IL34: variants seen among roughly 807,000 people sequenced by gnomAD.
IL34 encodes interleukin-34.
In IL34, 17 loss-of-function variants were observed where a neutral mutation model predicts 25.3. The observed-to-expected ratio is 0.67, with a 90% CI of 0.46 to 1.01. IL34 has a LOEUF of 1.01. IL34 is among the 50% of genes least tolerant of loss of function. The probability of loss-of-function intolerance (pLI) is 0.00; values close to 1 mark genes in which losing one functional copy is unlikely to be tolerated. For synonymous variants in IL34, 174 were observed against 140.9 expected, an observed-to-expected ratio of 1.23 and a Z score of -1.66; for missense variants, 368 against 312.9, an observed-to-expected ratio of 1.18 and a Z score of -1.33.
At chr16:70,657,573 T>C (rs950539447) in intron 4 of IL34, among the ~76,000 whole-genome samples, 11 of 152,122 alleles carry the variant, frequency 7.2e-5, no homozygotes, top group Non-Finnish European at 1.5e-4. Context: ...GTCAGGAGTT[T>C]GAGACCAGCC....
chr16:70,606,342 G>T (rs867993244), intron 1 of IL34, among the ~76,000 whole-genome samples: 4 of 152,046 alleles, frequency 2.6e-5, no homozygotes, highest in Non-Finnish European at 4.4e-5. Flanking sequence ...AGGTTGCAGT[G>T]AGCTGAGATC....
intron 1 of IL34, among the ~76,000 whole-genome samples, chr16:70,583,003 G>A (rs1313606736): frequency 2.6e-5 from 4 of 152,184 alleles, no homozygotes; most frequent in Non-Finnish European, 4.4e-5. Context: ...TGTAGGGAGC[G>A]GCGGAGTGGG....
At position 70,640,300 on chromosome 16, in the gene IL34, C is replaced by A. The variant is rs921221671; in HGVS notation, c.-400-6248C>A. 2.6e-5 allele frequency among the ~76,000 whole-genome samples: 4 copies of A among 152,186 alleles called. No homozygotes were observed. In the South Asian group the frequency reaches 6.2e-4, roughly 24 times the overall value. ...GGGACTACAGGTGCACACCACCATG[C>A]CCGGCTAATTTTGTATTTTTTATTT... On this transcript the variant is annotated intron_variant, in intron 1 of 6. Coordinates refer to the IL34 transcript ENST00000429149.
At position 70,660,055 on chromosome 16, in the gene IL34, C is replaced by T. The variant is rs764810390; in HGVS notation, c.597C>T (p.Cys199=). The T allele has an allele frequency of 6.2e-7, 1 of 1,613,368 alleles. No homozygotes were observed. Among genetic ancestry groups the T allele is most frequent in the African/African-American group, 1.3e-5 (1 of 75,004 alleles). ...GTGAGGTGCCAAGTCCTCAGTCTTG[C>T]AGCCCAGAGCCCTCATTGCAGTATG... ...QDCEVPSPQS[C]SPEPSLQYAA... The change falls in exon 6 of 6, where the codon TGC becomes TGT. Residue 199 remains cysteine (C), a synonymous_variant. Transcript: ENST00000288098.
At chr16:70,651,340 G>A (rs554094627) in intron 1 of IL34, among the ~76,000 whole-genome samples, 11 of 152,172 alleles carry the variant, frequency 7.2e-5, no homozygotes, top group Non-Finnish European at 1.0e-4. Context: ...CAGAAAGTAA[G>A]CAGATGTTAA....
At position 70,646,721 on chromosome 16, in the gene IL34, C is replaced by T. The variant is rs74024416; in HGVS notation, c.-227C>T. Reference sequence around the variant, plus strand: ...TGCTTCTGGGCTGCCATGGGACTTGCGGCCACCGCCCCCCGGCTGTCCTCC... The same window carrying T: ...TGCTTCTGGGCTGCCATGGGACTTGTGGCCACCGCCCCCCGGCTGTCCTCC... On this transcript the variant is annotated 5_prime_UTR_variant, in exon 1 of 6. Coordinates refer to ENST00000288098, the MANE Select transcript of IL34 (RefSeq NM_001393494.1). 8.4e-3 allele frequency: 4,059 copies of T among 482,740 alleles called. 131 individuals are homozygous for T. Among genetic ancestry groups the T allele is most frequent in the African/African-American group, 0.072 (3,547 of 49,192 alleles). 29.9% of individuals were successfully genotyped at this position (482,740 alleles called of 1,614,324 possible). A position where few individuals can be genotyped will look rare whatever the true frequency, so the allele number is the denominator to read the frequency against.
chr16:70,582,646 G>C (rs930661921), intron 1 of IL34, among the ~76,000 whole-genome samples: 17 of 152,270 alleles, frequency 1.1e-4, no homozygotes, highest in Non-Finnish European at 2.9e-5. Flanking sequence ...CTGCACTCCA[G>C]AGCCTTCAGG....
At chr16:70,634,151 A>G (rs529945962) in intron 1 of IL34, among the ~76,000 whole-genome samples, 2 of 151,838 alleles carry the variant, frequency 1.3e-5, no homozygotes, top group African/African-American at 4.8e-5. Context: ...GTGCCCTGCA[A>G]TCTCTCTCTT....
At position 70,659,680 on chromosome 16, in the gene IL34, C is replaced by G; in HGVS notation, c.465C>G (p.Asn155Lys). 1 of 1,613,122 alleles carries G rather than the reference C, an allele frequency of 6.2e-7. No individual in the cohort carries two copies. The highest frequency in any genetic ancestry group is 1.1e-5 in the South Asian group (1 of 90,956). The stretch of plus-strand genomic sequence containing the variant: ...CCCTCTTGAATGCCCCAGGGCCAAA[C>G]CTGAAGCTGGTGCGGCCCAAAGCCC... ...VLSLLNAPGP[N>K]LKLVRPKALL... The change falls in exon 5 of 6, where the codon AAC (asparagine) becomes AAG (lysine). Residue 155 changes from asparagine (N) to lysine (K), a missense_variant. Coordinates refer to ENST00000288098, the MANE Select transcript of IL34 (RefSeq NM_001393494.1).
Position 70,656,676 on chromosome 16 carries a change from G to A in IL34, c.237G>A (p.Arg79=), listed in dbSNP as rs746133780. 3 of 1,345,776 alleles carry A rather than the reference G, an allele frequency of 2.2e-6. No individual in the cohort carries two copies. In the African/African-American group the frequency reaches 4.3e-5, roughly 19 times the overall value. The allele number at this position is 1,345,776 out of a possible 1,614,324, so 83.4% of individuals were successfully genotyped here. A position where few individuals can be genotyped will look rare whatever the true frequency, so the allele number is the denominator to read the frequency against. The change falls in exon 3 of 6, where the codon AGG becomes AGA. Residue 79 remains arginine, a synonymous_variant. Transcript: ENST00000288098. The part of the protein sequence containing the change: ...EGVFRIANVT[R]LQRAQVSERE... The stretch of plus-strand genomic sequence containing the variant: ...TGTTCAGAATCGCCAACGTCACCAG[G>A]CTGGTGAGAATCCCTTCCTGGGCTG...
At chr16:70,580,420 G>T (rs954642523) in intron 1 of IL34, among the ~76,000 whole-genome samples, 8 of 152,258 alleles carry the variant, frequency 5.3e-5, no homozygotes, top group Non-Finnish European at 7.3e-5. Context: ...ATATATTGCC[G>T]TAGGTCTTTG....
At chr16:70,654,716 G>A (rs1324733033) in intron 2 of IL34, 45 bp downstream of exon 2, 3 of 1,560,634 alleles carry the variant, frequency 1.9e-6, no homozygotes, top group Admixed American at 1.8e-5. Context: ...CGCGTCCCGG[G>A]GTTCACCTGG....
At chr16:70,626,266 G>C (rs940045805) in intron 1 of IL34, among the ~76,000 whole-genome samples, 1 of 151,768 alleles carries the variant, frequency 6.6e-6, no homozygotes, top group South Asian at 2.1e-4. Context: ...TTAATTTTTT[G>C]TTTTAGTATA....
chr16:70,603,072 G>A (rs192142217), intron 1 of IL34, among the ~76,000 whole-genome samples: 4 of 152,044 alleles, frequency 2.6e-5, no homozygotes, highest in Admixed American at 2.6e-4. Context: ...CTCCTATGTG[G>A]CCACCAGGGA....
At chr16:70,580,420 G>A (rs954642523) in intron 1 of IL34, among the ~76,000 whole-genome samples, 3 of 152,258 alleles carry the variant, frequency 2.0e-5, no homozygotes, top group Non-Finnish European at 4.4e-5. Flanking sequence ...ATATATTGCC[G>A]TAGGTCTTTG....
chr16:70,590,963 A>G (rs1189739082), intron 1 of IL34, among the ~76,000 whole-genome samples: 2 of 151,812 alleles, frequency 1.3e-5, no homozygotes, highest in Non-Finnish European at 2.9e-5. Flanking sequence ...CTGCCTTCAC[A>G]CTGTCAGCGC....
upstream of IL34, among the ~76,000 whole-genome samples, chr16:70,642,628 C>T (rs1465039371): frequency 1.3e-5 from 2 of 152,086 alleles, no homozygotes; most frequent in African/African-American, 4.8e-5. Flanking sequence ...ATTATCCCAC[C>T]ATAAGGACCC....
chr16:70,603,469 G>A (rs1475122177), intron 1 of IL34, among the ~76,000 whole-genome samples: 1 of 152,040 alleles, frequency 6.6e-6, no homozygotes, highest in Non-Finnish European at 1.5e-5. Context: ...AGTAGAGATG[G>A]GGTTTCTCAC....
chr16:70,656,799 C>T, intron 3 of IL34, 120 bp downstream of exon 3: 1 of 1,012,870 alleles, frequency 9.9e-7, no homozygotes, highest in Non-Finnish European at 1.6e-6. Context: ...CTCCTCAGCC[C>T]CGAGAGCAGG....
Sources: allele counts gnomAD v4.1 joint callset (sites outside exome capture counted in the v4.1 genomes callset), GRCh38; gene constraint gnomAD v4.1.1; transcripts MANE v1.5; gene names NCBI Gene and HGNC (gene_info 2026-07-23, HGNC 2026-07-21).